Variants in MERTK observed in about 807,000 individuals in gnomAD.
MERTK encodes MER proto-oncogene, tyrosine kinase, also known as tyrosine-protein kinase Mer.
In MERTK, 69 loss-of-function variants were observed where a neutral mutation model predicts 99.3. That is an observed-to-expected ratio of 0.70 (90% CI 0.57 to 0.85). The LOEUF is 0.85. MERTK is among the 40% of genes least tolerant of loss of function. The probability of loss-of-function intolerance (pLI) is 0.00; values close to 1 mark genes in which losing one functional copy is unlikely to be tolerated. For missense variants in MERTK, 1,125 were observed against 1,249.4 expected (o/e 0.90, Z 1.50); for synonymous variants, 426 against 467.6 (o/e 0.91, Z 1.15).
intron 17 of MERTK, 65 bp from the exon 18 acceptor site, chr2:112,022,193 T>G: frequency 6.2e-7 from 1 of 1,609,066 alleles, no homozygotes; most frequent in Non-Finnish European, 8.5e-7. Context: ...CCTTTCCCAG[T>G]GAAAAAGTCC....
chr2:111,977,040 A>G (rs1676267940), intron 7 of MERTK, among the ~76,000 whole-genome samples: 1 of 152,194 alleles, frequency 6.6e-6, no homozygotes, highest in Non-Finnish European at 1.5e-5. Context: ...TTGTTCAGTC[A>G]GTAATCTTTT....
intron 1 of MERTK, among the ~76,000 whole-genome samples, chr2:111,910,302 T>A (rs901358216): frequency 6.7e-6 from 1 of 150,268 alleles, no homozygotes; most frequent in Non-Finnish European, 1.5e-5. Context: ...AAAGTCTCGC[T>A]CTTGTCCCCC....
chr2:111,949,021 A>G (rs1054174900), intron 4 of MERTK, among the ~76,000 whole-genome samples: 5 of 151,850 alleles, frequency 3.3e-5, no homozygotes, highest in African/African-American at 1.2e-4. Flanking sequence ...CTCTAGGCAC[A>G]TCCTGTTCCT....
intron 4 of MERTK, among the ~76,000 whole-genome samples, chr2:111,963,249 A>G (rs552121505): frequency 6.6e-6 from 1 of 152,358 alleles, no homozygotes; most frequent in South Asian, 2.1e-4. Flanking sequence ...CCCCTATCTC[A>G]GTAGATGGAA....
At chr2:112,000,513 C>T (rs1183431868) in intron 10 of MERTK, among the ~76,000 whole-genome samples, 1 of 152,090 alleles carries the variant, frequency 6.6e-6, no homozygotes, top group Non-Finnish European at 1.5e-5. Context: ...GGATGCCCCT[C>T]TATTGCAATG....
Position 111,982,964 on chromosome 2 carries a change from T to C in MERTK, c.1267T>C (p.Ser423Pro), listed in dbSNP as rs1227927694. 1 of 1,614,146 alleles carries C rather than the reference T, an allele frequency of 6.2e-7. No individual in the cohort carries two copies. The highest frequency in any genetic ancestry group is 8.5e-7 in the Non-Finnish European group (1 of 1,180,024). ...QDGELVGYRI[S>P]HVWQSAGISK... The stretch of plus-strand genomic sequence containing the variant: ...TGGAGAACTGGTGGGCTACCGGATA[T>C]CCCACGTGTGGCAGAGTGCAGGGAT... Residue 423 changes from serine to proline, a missense_variant, in exon 8 of 19, where the codon TCC (serine) becomes CCC (proline). Physicochemically the swap from Ser to Pro is moderately conservative, Grantham distance 74 (BLOSUM62 -1). Transcript: ENST00000295408.
chr2:111,975,300 T>C lies in MERTK; in HGVS notation c.972T>C (p.Ala324=). 1.2e-6 allele frequency: 2 copies of C among 1,614,242 alleles called. No homozygotes were observed. Among genetic ancestry groups the C allele is most frequent in the Non-Finnish European group, 1.7e-6 (2 of 1,180,040 alleles). The change falls in exon 7 of 19, where the codon GCT becomes GCC. Residue 324 remains alanine, a synonymous_variant. Coordinates refer to ENST00000295408, the MANE Select transcript of MERTK (RefSeq NM_006343.3). Reference sequence around the variant, plus strand: ...TACTCTTCGTTTAGGTCAAGGAAGCTGATCCGCTGAGTAATGGCTCAGTCA... The same window carrying C: ...TACTCTTCGTTTAGGTCAAGGAAGCCGATCCGCTGAGTAATGGCTCAGTCA... ...FRNCSIQVKE[A]DPLSNGSVMI...
At chr2:112,003,419 A>C in intron 12 of MERTK, 1 of 388,896 alleles carries the variant, frequency 2.6e-6, no homozygotes, top group South Asian at 3.2e-5. Flanking sequence ...GAAAAATATT[A>C]ATTTTCTTTC....
chr2:111,906,539 C>G (rs1272169262), intron 1 of MERTK, among the ~76,000 whole-genome samples: 1 of 152,180 alleles, frequency 6.6e-6, no homozygotes, highest in Non-Finnish European at 1.5e-5. Flanking sequence ...CACTGTGCCG[C>G]TTAGGGAATT....
At chr2:111,960,976 T>C (rs1039674084) in intron 4 of MERTK, among the ~76,000 whole-genome samples, 22 of 151,582 alleles carry the variant, frequency 1.5e-4, no homozygotes, top group Admixed American at 5.3e-4. Flanking sequence ...AGGGATCCTT[T>C]TATAGATGTG....
Position 111,929,223 on chromosome 2 carries a change from C to T in MERTK, c.165C>T (p.His55=), listed in dbSNP as rs781297101. The change falls in exon 2 of 19, where the codon CAC becomes CAT. Residue 55 remains histidine, a synonymous_variant. Coordinates refer to ENST00000295408, the MANE Select transcript of MERTK (RefSeq NM_006343.3). ...TDHTPLLSLP[H]ASGYQPALMF... ...ACACACCGCTGTTATCCCTTCCTCA[C>T]GCCAGTGGGTACCAGCCTGCCTTGA... is the stretch of plus-strand genomic sequence containing the variant. 1.2e-5 allele frequency: 19 copies of T among 1,614,076 alleles called. No homozygotes were observed. The highest frequency in any genetic ancestry group is 2.2e-5 in the East Asian group (1 of 44,900).
At chr2:112,010,722 T>G (rs1296711618) in intron 15 of MERTK, among the ~76,000 whole-genome samples, 1 of 152,160 alleles carries the variant, frequency 6.6e-6, no homozygotes, top group Non-Finnish European at 1.5e-5. Context: ...CATTGTATCT[T>G]TCATTTCCTA....
chr2:112,012,139 C>T (rs1677117943), intron 15 of MERTK, among the ~76,000 whole-genome samples: 1 of 152,146 alleles, frequency 6.6e-6, no homozygotes, highest in Non-Finnish European at 1.5e-5. Context: ...GCAGATAGAT[C>T]AGAGGTGGTG....
At chr2:112,013,877 G>A (rs1264378409) in intron 15 of MERTK, among the ~76,000 whole-genome samples, 1 of 151,884 alleles carries the variant, frequency 6.6e-6, no homozygotes, top group Non-Finnish European at 1.5e-5. Context: ...GCGGGGGGAT[G>A]GAATTTCACT....
chr2:112,004,369 G>A (rs1343554994), intron 13 of MERTK, among the ~76,000 whole-genome samples: 2 of 152,068 alleles, frequency 1.3e-5, no homozygotes, highest in Non-Finnish European at 2.9e-5. Context: ...TGTTCTGGCC[G>A]GCCTGTCTAG....
chr2:111,992,824 C>A (rs1322580702), intron 8 of MERTK, among the ~76,000 whole-genome samples: 2 of 151,672 alleles, frequency 1.3e-5, no homozygotes, highest in Non-Finnish European at 2.9e-5. Context: ...GTTCTGTGAG[C>A]CACTCTAGCA....
intron 4 of MERTK, among the ~76,000 whole-genome samples, chr2:111,950,775 G>A (rs925648712): frequency 2.4e-4 from 36 of 152,146 alleles, no homozygotes; most frequent in Admixed American, 6.5e-4. Context: ...AAAAATCCTA[G>A]AATCCACTTG....
chr2:111,982,750 C>A, intron 7 of MERTK, 92 bp from the exon 8 acceptor site: 2 of 1,395,238 alleles, frequency 1.4e-6, no homozygotes, highest in Non-Finnish European at 2.0e-6. Flanking sequence ...TTTCATAGAG[C>A]ATTTGAAAAC....
rs1368011832 is a variant in MERTK, at chr2:112,029,196, GTTCTT to G, written c.*340_*344del. The G allele has an allele frequency of 2.0e-6, 2 of 1,005,636 alleles. No individual in the cohort carries two copies. Among genetic ancestry groups the G allele is most frequent in the Non-Finnish European group, 2.4e-6 (2 of 839,198 alleles). The allele number at this position is 1,005,636 out of a possible 1,614,324, so 62.3% of individuals were successfully genotyped here. On this transcript the variant is annotated 3_prime_UTR_variant, in exon 19 of 19. Coordinates refer to ENST00000295408, the MANE Select transcript of MERTK (RefSeq NM_006343.3). ...TACAGAGTTGAAGTTGTTTTTTCAAGTTCTTTTCTTTTTCATGACTATTAAATGTA... is the reference window on the plus strand; with the variant it reads ...TACAGAGTTGAAGTTGTTTTTTCAAGTTCTTTTTCATGACTATTAAATGTA...
Sources: allele counts gnomAD v4.1 joint callset (sites outside exome capture counted in the v4.1 genomes callset), GRCh38; gene constraint gnomAD v4.1.1; transcripts MANE v1.5; gene names NCBI Gene and HGNC (gene_info 2026-07-23, HGNC 2026-07-21).